The following GNB4 variants were observed in gnomAD, a reference collection of about 807,000 sequenced individuals.
GNB4 encodes the protein guanine nucleotide-binding protein subunit beta-4.
In GNB4, 28 loss-of-function variants were observed where a neutral mutation model predicts 45.2. The observed-to-expected ratio is 0.62, with a 90% confidence interval of 0.46 to 0.85. GNB4 has a LOEUF of 0.85. Among genes scored for constraint, GNB4 ranks in the 40% least tolerant of loss-of-function variants. The pLI, the probability that GNB4 is intolerant of heterozygous loss-of-function variation, is 0.00. For synonymous variants in GNB4, 132 were observed against 143.7 expected, an observed-to-expected ratio of 0.92 and a Z score of 0.58; for missense variants, 321 against 425.4, an observed-to-expected ratio of 0.75 and a Z score of 2.16.
chr3:179,457,416 A>T, the GNB4 span, among the ~76,000 whole-genome samples: 1 of 152,184 alleles, frequency 6.6e-6, no homozygotes, highest in East Asian at 1.9e-4. Flanking sequence ...AGTGCCTAGA[A>T]TGTAATACAG....
chr3:179,526,576 C>A, the GNB4 span, among the ~76,000 whole-genome samples: 1 of 152,186 alleles, frequency 6.6e-6, no homozygotes, highest in South Asian at 2.1e-4. Flanking sequence ...CCCTGGAAGG[C>A]CACCCTGAGT....
At chr3:179,416,619 T>C (rs1714808367) in intron 4 of GNB4, 63 bp from the exon 5 acceptor site, 1 of 922,462 alleles carries the variant, frequency 1.1e-6, no homozygotes, top group African/African-American at 1.7e-5. Flanking sequence ...AAATTGGTTA[T>C]GCATTGCATT....
chr3:179,515,168 A>T, the GNB4 span, among the ~76,000 whole-genome samples: 1 of 152,250 alleles, frequency 6.6e-6, no homozygotes, highest in Non-Finnish European at 1.5e-5. Context: ...CAATAAAGTT[A>T]ACACAGCTAC....
intron 9 of GNB4, among the ~76,000 whole-genome samples, chr3:179,401,625 A>G (rs1037867350): frequency 5.9e-5 from 9 of 152,206 alleles, no homozygotes; most frequent in African/African-American, 2.2e-4. Flanking sequence ...TATGCAGACA[A>G]TTATTCCACA....
the GNB4 span, among the ~76,000 whole-genome samples, chr3:179,461,484 G>A: frequency 1.4e-4 from 18 of 128,080 alleles, no homozygotes; most frequent in Admixed American, 4.0e-4. Flanking sequence ...GCGACAGAGC[G>A]AGACTCCGTC....
chr3:179,465,685 C>T, the GNB4 span, among the ~76,000 whole-genome samples: 1 of 151,954 alleles, frequency 6.6e-6, no homozygotes, highest in Admixed American at 6.6e-5. Context: ...GAAATTCTGT[C>T]TTCCTATGAC....
At chr3:179,436,690 A>T (rs1189985729) in intron 1 of GNB4, among the ~76,000 whole-genome samples, 1 of 152,220 alleles carries the variant, frequency 6.6e-6, no homozygotes, top group South Asian at 2.1e-4. Context: ...TTTCTCAGGA[A>T]GTTAGTCAAA....
intron 6 of GNB4, among the ~76,000 whole-genome samples, chr3:179,414,416 G>T (rs1394849447): frequency 2.0e-5 from 3 of 152,058 alleles, no homozygotes; most frequent in Admixed American, 6.6e-5. Flanking sequence ...CCAGATAAGT[G>T]GCAATAAATT....
At chr3:179,503,256 T>C in the GNB4 span, among the ~76,000 whole-genome samples, 1 of 152,228 alleles carries the variant, frequency 6.6e-6, no homozygotes, top group East Asian at 1.9e-4. Context: ...TGGTAAAACA[T>C]ACTGATTTCT....
At chr3:179,458,696 T>C in the GNB4 span, among the ~76,000 whole-genome samples, 9 of 152,204 alleles carry the variant, frequency 5.9e-5, no homozygotes, top group African/African-American at 1.9e-4. Context: ...TGATACAATA[T>C]AAATGCTGTG....
chr3:179,433,535 T>C (rs1715365365), intron 1 of GNB4, among the ~76,000 whole-genome samples: 2 of 151,712 alleles, frequency 1.3e-5, no homozygotes. Flanking sequence ...AGCACAGGAA[T>C]TTGAAGCTGC....
At chr3:179,415,069 T>C in intron 5 of GNB4, 22 bp from the exon 6 acceptor site, 2 of 1,517,522 alleles carry the variant, frequency 1.3e-6, no homozygotes, top group South Asian at 1.3e-5. Context: ...ACACCACACA[T>C]CACTCAGATT....
the GNB4 span, among the ~76,000 whole-genome samples, chr3:179,509,202 C>T: frequency 5.4e-5 from 8 of 148,706 alleles, no homozygotes; most frequent in Admixed American, 2.0e-4. Flanking sequence ...CACACACACA[C>T]ATATACGGCA....
At chr3:179,520,082 CA>C in the GNB4 span, among the ~76,000 whole-genome samples, 2 of 152,064 alleles carry the variant, frequency 1.3e-5, 1 homozygote, top group South Asian at 4.1e-4. Context: ...CCTCCCTTCA[CA>C]ACCCATTATT....
rs1190413163 is a variant in GNB4, at chr3:179,400,717, A to G, written c.*496T>C. ...TGCTCTTAAACATGAAGCTATCAGGATCTCTTAGATTCAAAGAGATATCAG... is the reference window on the plus strand; with the variant it reads ...TGCTCTTAAACATGAAGCTATCAGGGTCTCTTAGATTCAAAGAGATATCAG... On this transcript the variant is annotated 3_prime_UTR_variant, in exon 10 of 10. Coordinates refer to ENST00000232564, the MANE Select transcript of GNB4 (RefSeq NM_021629.4). 6.6e-6 allele frequency: 1 copy of G among 152,286 alleles called. No homozygotes were observed. 9.4% of individuals were successfully genotyped at this position (152,286 alleles called of 1,614,324 possible).
chr3:179,480,127 G>A, the GNB4 span, among the ~76,000 whole-genome samples: 29 of 152,298 alleles, frequency 1.9e-4, no homozygotes, highest in East Asian at 4.2e-3. Context: ...ATTATGTGAT[G>A]TTTTCTGCAG....
intron 8 of GNB4, among the ~76,000 whole-genome samples, chr3:179,411,476 AAAAC>A (rs1328746548): frequency 6.6e-6 from 1 of 151,982 alleles, no homozygotes; most frequent in Non-Finnish European, 1.5e-5. Flanking sequence ...CAAAAAAAAA[AAAAC>A]AGGAGAAAAT....
chr3:179,429,280 C>T (rs749660071), intron 1 of GNB4, among the ~76,000 whole-genome samples: 1 of 152,220 alleles, frequency 6.6e-6, no homozygotes, highest in Non-Finnish European at 1.5e-5. Context: ...TGATGAAATC[C>T]AGTGCACGTG....
chr3:179,468,035 A>AAATATAT, the GNB4 span, among the ~76,000 whole-genome samples: 128 of 89,512 alleles, frequency 1.4e-3, 3 homozygotes, highest in East Asian at 3.4e-3. Flanking sequence ...TGTTGATAAA[A>AAATATAT]ATATATATAT....
Sources: allele counts gnomAD v4.1 joint callset (sites outside exome capture counted in the v4.1 genomes callset), GRCh38; gene constraint gnomAD v4.1.1; transcripts MANE v1.5; gene names NCBI Gene and HGNC (gene_info 2026-07-23, HGNC 2026-07-21).